Variants in CYTH1 observed in about 807,000 individuals in gnomAD.
CYTH1 encodes cytohesin 1.
In CYTH1, 18 loss-of-function variants were observed where a neutral mutation model predicts 61.8. The observed-to-expected ratio is 0.29, with a 90% CI of 0.20 to 0.43. The LOEUF is 0.43. CYTH1 is among the 20% of genes least tolerant of loss of function. The pLI is 1.00. For missense variants in CYTH1, 336 were observed against 510.5 expected (o/e 0.66, Z 3.29); for synonymous variants, 174 against 184.3 (o/e 0.94, Z 0.45).
At chr17:78,748,397 A>ACATC (rs2093367349) in intron 1 of CYTH1, among the ~76,000 whole-genome samples, 1 of 152,234 alleles carries the variant, frequency 6.6e-6, no homozygotes, top group African/African-American at 2.4e-5. Flanking sequence ...AAATGTTTAC[A>ACATC]CATCCAACAG....
chr17:78,772,030 A>G (rs2093473363), intron 1 of CYTH1, among the ~76,000 whole-genome samples: 1 of 152,206 alleles, frequency 6.6e-6, no homozygotes, highest in Non-Finnish European at 1.5e-5. Context: ...GATCATTTCT[A>G]AATAATTTTC....
At chr17:78,735,564 G>A (rs1333798623) in intron 1 of CYTH1, among the ~76,000 whole-genome samples, 1 of 152,228 alleles carries the variant, frequency 6.6e-6, no homozygotes, top group African/African-American at 2.4e-5. Context: ...ACCTGTGCAT[G>A]CTTCCCTCCC....
chr17:78,724,039 G>A (rs2093252114), intron 1 of CYTH1: 1 of 152,226 alleles, frequency 6.6e-6, no homozygotes, highest in Non-Finnish European at 1.5e-5. Context: ...TACACTCGCA[G>A]CCACCAATGG....
chr17:78,765,141 C>T (rs375236811), intron 1 of CYTH1, among the ~76,000 whole-genome samples: 2 of 152,108 alleles, frequency 1.3e-5, no homozygotes, highest in East Asian at 1.9e-4. Flanking sequence ...AAGGAGTTTG[C>T]TGAGTGCATG....
chr17:78,683,071 A>G (rs922575986), intron 11 of CYTH1, among the ~76,000 whole-genome samples: 15 of 151,982 alleles, frequency 9.9e-5, no homozygotes, highest in African/African-American at 3.4e-4. Flanking sequence ...GATTTTCTTA[A>G]TGCTTTTCTT....
intron 2 of CYTH1, chr17:78,709,379 C>T (rs2144402268): frequency 2.3e-6 from 1 of 434,444 alleles, no homozygotes; most frequent in East Asian, 4.0e-5. Context: ...GAGAGGACTA[C>T]TCAGGAGACA....
At chr17:78,781,448 C>A (rs67901938) in intron 1 of CYTH1, among the ~76,000 whole-genome samples, 1 of 152,192 alleles carries the variant, frequency 6.6e-6, no homozygotes, top group Non-Finnish European at 1.5e-5. Context: ...GCGAAGGGAG[C>A]GGGACAGCGG....
rs560823281 is a variant in CYTH1 at position 78,684,176 on chromosome 17, C to T, written c.892-3134G>A. 2.3e-3 allele frequency among the ~76,000 whole-genome samples: 352 copies of T among 152,306 alleles called. 1 individual carries two copies. The highest frequency in any genetic ancestry group is 4.0e-3 in the Admixed American group (61 of 15,302). On this transcript the variant is annotated intron_variant, in intron 11 of 13. Transcript: ENST00000446868. ...CCTTCCTGGCCCCCCCTCTTTCCTG[C>T]TCCATCCTGCAGAGCGTGGCCCTCC...
chr17:78,744,594 G>A (rs1440536227), intron 1 of CYTH1, among the ~76,000 whole-genome samples: 1 of 152,082 alleles, frequency 6.6e-6, no homozygotes. Context: ...AAAACATAGA[G>A]GTATACTATT....
intron 1 of CYTH1, among the ~76,000 whole-genome samples, chr17:78,762,152 A>C (rs1054712557): frequency 6.6e-6 from 1 of 152,236 alleles, no homozygotes; most frequent in Admixed American, 6.5e-5. Flanking sequence ...ACAACAGGAA[A>C]AATTATCTTT....
rs193171712 is a variant in CYTH1, at chr17:78,780,578, G to A, written c.22+1624C>T. 3.5e-3 allele frequency among the ~76,000 whole-genome samples: 535 copies of A among 152,138 alleles called. 5 individuals carry two copies. Among genetic ancestry groups the A allele is most frequent in the African/African-American group, 0.012 (505 of 41,506 alleles). ...GCTGCTTTTACTTGTTTACTTATAA[G>A]GTAACAAGTGGGCTGGGTGTGGTGG... On this transcript the variant is annotated intron_variant, in intron 1 of 13. Transcript: ENST00000446868.
At chr17:78,701,597 C>T (rs986903182) in intron 6 of CYTH1, 74 bp downstream of exon 6, 16 of 1,294,760 alleles carry the variant, frequency 1.2e-5, no homozygotes, top group East Asian at 4.7e-5. Context: ...CAATAAAATG[C>T]CCCCCAGGAC....
chr17:78,708,166 C>T (rs1181579776), intron 3 of CYTH1, 31 bp downstream of exon 3: 2 of 1,613,350 alleles, frequency 1.2e-6, no homozygotes, highest in South Asian at 2.2e-5. Flanking sequence ...ATTACAACCA[C>T]AGAAGCCACC....
intron 1 of CYTH1, among the ~76,000 whole-genome samples, chr17:78,759,207 G>T (rs375496919): frequency 6.6e-6 from 1 of 152,182 alleles, no homozygotes; most frequent in Non-Finnish European, 1.5e-5. Context: ...TGCCTGAGGT[G>T]GCTTCATTTT....
At chr17:78,759,895 G>A (rs960953806) in intron 1 of CYTH1, among the ~76,000 whole-genome samples, 12 of 152,192 alleles carry the variant, frequency 7.9e-5, no homozygotes, top group East Asian at 1.9e-4. Context: ...GTTCTGAAGC[G>A]TGAGTTTCCA....
At chr17:78,734,361 T>C (rs1292910570) in intron 1 of CYTH1, among the ~76,000 whole-genome samples, 1 of 144,892 alleles carries the variant, frequency 6.9e-6, no homozygotes, top group Non-Finnish European at 1.5e-5. Flanking sequence ...TAATTCTCAC[T>C]AACACACATA....
chr17:78,781,182 A>G (rs990765618), intron 1 of CYTH1, among the ~76,000 whole-genome samples: 8 of 132,020 alleles, frequency 6.1e-5, no homozygotes, highest in Non-Finnish European at 7.7e-5. Flanking sequence ...AAAAAAAAAA[A>G]AAAAGAAAAA....
chr17:78,738,586 C>T, intron 1 of CYTH1, among the ~76,000 whole-genome samples: 1 of 151,816 alleles, frequency 6.6e-6, no homozygotes, highest in Admixed American at 6.6e-5. Flanking sequence ...TCTCTTCTTT[C>T]TTGCCTAATA....
intron 1 of CYTH1, among the ~76,000 whole-genome samples, chr17:78,718,786 T>C (rs1424956554): frequency 6.6e-6 from 1 of 152,264 alleles, no homozygotes; most frequent in Non-Finnish European, 1.5e-5. Context: ...AGCACTGTTG[T>C]GAGGAATGCG....
Sources: gnomAD v4.1 joint callset for allele counts (sites outside exome capture counted in the v4.1 genomes callset) on GRCh38, gnomAD v4.1.1 for gene constraint, MANE v1.5 for transcripts, NCBI Gene and HGNC (gene_info 2026-07-23, HGNC 2026-07-21) for gene names.